The following IFT56 variants were observed in gnomAD, a reference collection of about 807,000 sequenced individuals.
IFT56 encodes intraflagellar transport protein 56.
At chr7:139,185,778 T>A in the IFT56 span, among the ~76,000 whole-genome samples, 1 of 152,062 alleles carries the variant, frequency 6.6e-6, no homozygotes, top group East Asian at 1.9e-4. Flanking sequence ...CATGGATGTT[T>A]CATTTACCAT....
At chr7:139,136,773 G>A in the IFT56 span, among the ~76,000 whole-genome samples, 1 of 152,138 alleles carries the variant, frequency 6.6e-6, no homozygotes, top group African/African-American at 2.4e-5. Flanking sequence ...AAGTTGGCAG[G>A]GAGGCTCTGC....
At chr7:139,178,281 G>C in the IFT56 span, 1 of 1,613,628 alleles carries the variant, frequency 6.2e-7, no homozygotes, top group Non-Finnish European at 8.5e-7. Flanking sequence ...ATGATGTTTT[G>C]ATTTACCTCA....
At chr7:139,171,976 C>A in the IFT56 span, among the ~76,000 whole-genome samples, 2 of 152,144 alleles carry the variant, frequency 1.3e-5, no homozygotes, top group Non-Finnish European at 2.9e-5. Flanking sequence ...AGAGAGGGAA[C>A]TGTTAGAAGC....
At chr7:139,144,951 G>A in the IFT56 span, among the ~76,000 whole-genome samples, 1 of 152,052 alleles carries the variant, frequency 6.6e-6, no homozygotes, top group African/African-American at 2.4e-5. Context: ...CTTATCTCCT[G>A]GTTTGCTTGG....
At chr7:139,160,027 T>C in the IFT56 span, among the ~76,000 whole-genome samples, 1 of 152,146 alleles carries the variant, frequency 6.6e-6, no homozygotes, top group African/African-American at 2.4e-5. Context: ...ATAAAAGGGA[T>C]CTTGAGACCA....
At chr7:139,158,323 A>AAAAAAAAAAAAC in the IFT56 span, among the ~76,000 whole-genome samples, 3 of 151,678 alleles carry the variant, frequency 2.0e-5, no homozygotes, top group African/African-American at 7.3e-5. Flanking sequence ...CAAAAAAAAA[A>AAAAAAAAAAAAC]AACCAACAAA....
the IFT56 span, among the ~76,000 whole-genome samples, chr7:139,180,743 G>A: frequency 6.6e-6 from 1 of 151,934 alleles, no homozygotes; most frequent in Non-Finnish European, 1.5e-5. Flanking sequence ...CTGAATTTTT[G>A]TAGTCAGAGG....
At chr7:139,140,326 T>A in the IFT56 span, among the ~76,000 whole-genome samples, 3 of 152,216 alleles carry the variant, frequency 2.0e-5, no homozygotes, top group African/African-American at 7.2e-5. Flanking sequence ...CAGGCTCTTA[T>A]GGCTGTGGAC....
chr7:139,134,658 C>G, the IFT56 span: 1 of 1,604,816 alleles, frequency 6.2e-7, no homozygotes, highest in South Asian at 1.1e-5. Context: ...TTTACAGATG[C>G]TTTCAAGGGC....
the IFT56 span, chr7:139,169,448 T>C: frequency 9.1e-7 from 1 of 1,101,432 alleles, no homozygotes; most frequent in Non-Finnish European, 1.4e-6. Context: ...ATGTATCTAT[T>C]AGGCTTCACA....
At chr7:139,179,704 T>G in the IFT56 span, 1 of 1,374,652 alleles carries the variant, frequency 7.3e-7, no homozygotes, top group South Asian at 1.2e-5. Context: ...GGTTGCATAA[T>G]CTGTTCGGAA....
chr7:139,186,824 G>A, the IFT56 span, among the ~76,000 whole-genome samples: 3 of 152,026 alleles, frequency 2.0e-5, no homozygotes, highest in East Asian at 1.9e-4. Flanking sequence ...GCCGGGCGCG[G>A]TGGCTCACGC....
chr7:139,149,739 T>C, the IFT56 span, among the ~76,000 whole-genome samples: 5 of 152,162 alleles, frequency 3.3e-5, no homozygotes, highest in African/African-American at 1.2e-4. Flanking sequence ...CTGACAAGCC[T>C]GTGGTTAGAG....
the IFT56 span, among the ~76,000 whole-genome samples, chr7:139,153,149 C>T: frequency 2.1e-4 from 24 of 115,460 alleles, 1 homozygote; most frequent in African/African-American, 1.3e-3. Flanking sequence ...ACTCCGTCTC[C>T]GGAAAAAAAA....
At chr7:139,178,408 T>C in the IFT56 span, 1 of 1,385,520 alleles carries the variant, frequency 7.2e-7, no homozygotes, top group Non-Finnish European at 1.0e-6. Flanking sequence ...GTGGCATTAG[T>C]GGCATCAACT....
At chr7:139,178,531 A>G in the IFT56 span, 15 of 1,614,086 alleles carry the variant, frequency 9.3e-6, no homozygotes, top group Non-Finnish European at 1.3e-5. Flanking sequence ...TTCTATAATG[A>G]TGACATCTTT....
chr7:139,169,359 C>T, the IFT56 span: 3 of 1,613,278 alleles, frequency 1.9e-6, no homozygotes, highest in Non-Finnish European at 2.5e-6. Context: ...TGTGGTATGT[C>T]TGAAATCTGT....
chr7:139,139,692 G>T, the IFT56 span, among the ~76,000 whole-genome samples: 1 of 152,256 alleles, frequency 6.6e-6, no homozygotes, highest in South Asian at 2.1e-4. Context: ...AGATTATATG[G>T]ACAATAGTCC....
the IFT56 span, among the ~76,000 whole-genome samples, chr7:139,141,572 T>C: frequency 3.3e-5 from 5 of 152,234 alleles, no homozygotes; most frequent in African/African-American, 1.2e-4. Context: ...TAGACACATA[T>C]AAGGTGATTG....
Sources: allele counts gnomAD v4.1 joint callset (sites outside exome capture counted in the v4.1 genomes callset), GRCh38; gene constraint gnomAD v4.1.1; transcripts MANE v1.5; gene names NCBI Gene and HGNC (gene_info 2026-07-23, HGNC 2026-07-21).